Variants in FLVCR2 observed in about 807,000 individuals in gnomAD.
FLVCR2 encodes FLVCR choline and putative heme transporter 2.
In FLVCR2, 38 loss-of-function variants were observed where a neutral mutation model predicts 48.9. That is an observed-to-expected ratio of 0.78 (90% confidence interval 0.60 to 1.02). The LOEUF is 1.02. Among genes scored for constraint, FLVCR2 ranks in the 50% least tolerant of loss-of-function variants. The pLI, the probability that FLVCR2 is intolerant of heterozygous loss-of-function variation, is 0.00. For missense variants in FLVCR2, 664 were observed against 663.3 expected (o/e 1.00, Z -0.01); for synonymous variants, 255 against 257.0 (o/e 0.99, Z 0.07).
In FLVCR2 at chr14:75,595,888, A is replaced by G. The variant is rs879043070; in HGVS notation, c.669+16247A>G. On this transcript the variant is annotated intron_variant, in intron 1 of 9. Coordinates refer to ENST00000238667, the MANE Select transcript of FLVCR2 (RefSeq NM_017791.3). ...CTCATTCTGTTCTTGCGTTCCTCTC[A>G]TTGCTTTCTTGAGGTCTTTTTCTTC... 1.2e-5 allele frequency: 13 copies of G among 1,090,152 alleles called. No individual in the cohort carries two copies. In the East Asian group the frequency reaches 1.6e-4, roughly 14 times the overall value. The allele number at this position is 1,090,152 out of a possible 1,614,324, so 67.5% of individuals were successfully genotyped here.
chr14:75,618,228 A>C (rs1187020318), intron 1 of FLVCR2, among the ~76,000 whole-genome samples: 1 of 152,206 alleles, frequency 6.6e-6, no homozygotes, highest in Non-Finnish European at 1.5e-5. Flanking sequence ...CATGAGTCAT[A>C]CTTTTTCAGA....
chr14:75,643,875 A>G (rs1205869110), intron 9 of FLVCR2, among the ~76,000 whole-genome samples: 2 of 152,218 alleles, frequency 1.3e-5, no homozygotes, highest in Non-Finnish European at 2.9e-5. Context: ...GTTTGAGACC[A>G]GCCTGGCCAA....
chr14:75,642,754 A>T (rs1278862008), intron 9 of FLVCR2, among the ~76,000 whole-genome samples: 1 of 152,232 alleles, frequency 6.6e-6, no homozygotes, highest in Non-Finnish European at 1.5e-5. Flanking sequence ...CACTTATAAT[A>T]TATACGTGGA....
chr14:75,592,375 T>G (rs893464812), intron 1 of FLVCR2, among the ~76,000 whole-genome samples: 1 of 152,150 alleles, frequency 6.6e-6, no homozygotes, highest in Non-Finnish European at 1.5e-5. Flanking sequence ...CCCACCATTC[T>G]GTCCTCCTAG....
chr14:75,584,188 G>T (rs1888680869), intron 1 of FLVCR2, among the ~76,000 whole-genome samples: 1 of 152,204 alleles, frequency 6.6e-6, no homozygotes, highest in African/African-American at 2.4e-5. Context: ...GCTGTGGCTT[G>T]GATGTTCTGA....
chr14:75,638,281 C>CA (rs1359148057), intron 5 of FLVCR2, among the ~76,000 whole-genome samples: 1 of 151,982 alleles, frequency 6.6e-6, no homozygotes, highest in Non-Finnish European at 1.5e-5. Context: ...ACTAGAAATA[C>CA]AAAAAATTAG....
chr14:75,643,125 G>A (rs1342770823), intron 9 of FLVCR2, among the ~76,000 whole-genome samples: 1 of 152,238 alleles, frequency 6.6e-6, no homozygotes, highest in South Asian at 2.1e-4. Context: ...GCCTCCCAAA[G>A]TGCTGGGATT....
intron 5 of FLVCR2, among the ~76,000 whole-genome samples, chr14:75,637,779 C>T (rs965367591): frequency 6.6e-6 from 1 of 151,406 alleles, no homozygotes; most frequent in Non-Finnish European, 1.5e-5. Context: ...CTTTCATCAT[C>T]TGAGTCCTGA....
rs1888540622 is a variant in FLVCR2 at position 75,579,455 on chromosome 14, C to A, written c.483C>A (p.Asn161Lys). 1.2e-6 allele frequency: 2 copies of A among 1,613,886 alleles called. No individual in the cohort carries two copies. The highest frequency in any genetic ancestry group is 2.2e-5 in the South Asian group (2 of 91,084). The change falls in exon 1 of 10, where the codon AAC becomes AAA. Residue 161 changes from asparagine to lysine, a missense_variant. Coordinates refer to ENST00000238667, the MANE Select transcript of FLVCR2 (RefSeq NM_017791.3). The part of the protein sequence containing the change: ...RTIALTGSAL[N>K]CLGAWVKLGS... The stretch of plus-strand genomic sequence containing the variant: ...TTGCTCTCACTGGCTCGGCTCTCAA[C>A]TGCCTGGGGGCCTGGGTGAAGCTGG...
At chr14:75,641,625 G>C (rs1295888419) in intron 8 of FLVCR2, among the ~76,000 whole-genome samples, 2 of 152,186 alleles carry the variant, frequency 1.3e-5, no homozygotes, top group East Asian at 3.8e-4. Context: ...TGATCCATAA[G>C]TGAAGGCCAC....
intron 1 of FLVCR2, among the ~76,000 whole-genome samples, chr14:75,581,612 C>T (rs1304910509): frequency 1.3e-5 from 2 of 151,978 alleles, no homozygotes; most frequent in East Asian, 3.9e-4. Context: ...GAAATGACCG[C>T]AGTGGCCTTC....
intron 3 of FLVCR2, among the ~76,000 whole-genome samples, chr14:75,628,118 AAC>A (rs912321543): frequency 2.9e-4 from 44 of 151,732 alleles, no homozygotes; most frequent in African/African-American, 9.9e-4. Context: ...CAAAAACAAA[AAC>A]AATTTTTTTT....
intron 1 of FLVCR2, among the ~76,000 whole-genome samples, chr14:75,602,276 T>C (rs1889183964): frequency 6.6e-6 from 1 of 152,184 alleles, no homozygotes; most frequent in Admixed American, 6.5e-5. Context: ...GTTGTACATT[T>C]CCAAGTTCGA....
chr14:75,641,324 T>C, intron 8 of FLVCR2, 31 bp downstream of exon 8: 1 of 1,524,148 alleles, frequency 6.6e-7, no homozygotes, highest in Non-Finnish European at 9.1e-7. Flanking sequence ...AAGATGAGGC[T>C]CAGGTTGGCC....
At chr14:75,612,675 G>T (rs971029896) in intron 1 of FLVCR2, among the ~76,000 whole-genome samples, 1 of 152,154 alleles carries the variant, frequency 6.6e-6, no homozygotes, top group Non-Finnish European at 1.5e-5. Context: ...GGTGCTCGGG[G>T]CTCATTCTCA....
chr14:75,581,100 C>T (rs751633145), intron 1 of FLVCR2, among the ~76,000 whole-genome samples: 9 of 151,982 alleles, frequency 5.9e-5, no homozygotes, highest in Non-Finnish European at 1.2e-4. Context: ...AGCTGAAGAA[C>T]GGTTTTGGGG....
In FLVCR2 at chr14:75,640,597, C is replaced by G. The variant is rs942477292; in HGVS notation, c.1236-358C>G. ...CTCAATATCCAGGAAGTTCCCACTC[C>G]CAGCACAGGGCCTGTGTACCCAGGA... is the stretch of plus-strand genomic sequence containing the variant. On this transcript the variant is annotated intron_variant, in intron 6 of 9. Coordinates refer to ENST00000238667, the MANE Select transcript of FLVCR2 (RefSeq NM_017791.3). The G allele has an allele frequency of 8.7e-6, 3 of 346,004 alleles. No homozygotes were observed. In the Admixed American group the frequency reaches 1.2e-4, roughly 14 times the overall value. The allele number at this position is 346,004 out of a possible 1,614,324, so 21.4% of individuals were successfully genotyped here.
chr14:75,583,421 T>C (rs572884618), intron 1 of FLVCR2, among the ~76,000 whole-genome samples: 8 of 152,162 alleles, frequency 5.3e-5, no homozygotes, highest in Non-Finnish European at 7.4e-5. Context: ...GGATGGGATA[T>C]TGGTGTTGAG....
intron 1 of FLVCR2, among the ~76,000 whole-genome samples, chr14:75,580,827 A>T (rs1245479411): frequency 6.6e-6 from 1 of 152,190 alleles, no homozygotes; most frequent in Non-Finnish European, 1.5e-5. Context: ...GGCTATTTTC[A>T]CTTTTTTTGT....
Sources: allele counts gnomAD v4.1 joint callset (sites outside exome capture counted in the v4.1 genomes callset), GRCh38; gene constraint gnomAD v4.1.1; transcripts MANE v1.5; gene names NCBI Gene and HGNC (gene_info 2026-07-23, HGNC 2026-07-21).